The following COX7B2 variants were observed in gnomAD, a reference collection of about 807,000 sequenced individuals.
COX7B2 encodes the protein cytochrome c oxidase subunit 7B2, also known as cytochrome c oxidase subunit 7B2, mitochondrial.
For missense variants in COX7B2, 109 were observed against 95.9 expected (o/e 1.14, Z -0.57); for synonymous variants, 37 against 32.1 (o/e 1.15, Z -0.51).
intron 2 of COX7B2, among the ~76,000 whole-genome samples, chr4:46,787,127 C>T (rs1717791037): frequency 6.6e-6 from 1 of 152,134 alleles, no homozygotes; most frequent in African/African-American, 2.4e-5. Context: ...TTTGGAATAG[C>T]GGTTTAAAGC....
chr4:46,787,256 C>T (rs542312164), intron 2 of COX7B2, among the ~76,000 whole-genome samples: 58 of 152,040 alleles, frequency 3.8e-4, no homozygotes, highest in Admixed American at 1.1e-3. Flanking sequence ...GAGACCAGCC[C>T]GACCAATATG....
intron 1 of COX7B2, among the ~76,000 whole-genome samples, chr4:46,893,034 G>A (rs1383038299): frequency 1.3e-5 from 2 of 152,166 alleles, no homozygotes; most frequent in Non-Finnish European, 2.9e-5. Flanking sequence ...GACCTCCCCA[G>A]CCATAAGGAA....
At chr4:46,814,889 A>G (rs947675575) in intron 2 of COX7B2, among the ~76,000 whole-genome samples, 4 of 152,192 alleles carry the variant, frequency 2.6e-5, no homozygotes, top group African/African-American at 9.6e-5. Context: ...GTGGTTTAAG[A>G]AAATGTCACT....
Position 46,832,651 on chromosome 4 carries a change from G to A in COX7B2, c.-50+12309C>T, listed in dbSNP as rs190049748. 1.8e-3 allele frequency among the ~76,000 whole-genome samples: 268 copies of A among 152,170 alleles called. 3 individuals carry two copies. Among genetic ancestry groups the A allele is most frequent in the Admixed American group, 1.1e-3 (17 of 15,266 alleles). ...TGGTATCTAGAGGGAGGTGATTGGC[G>A]CATGGAGGCAGATTCCTAATAAACT... On this transcript the variant is annotated intron_variant, in intron 2 of 2. Transcript: ENST00000355591.
chr4:46,839,822 G>A (rs1184246880), intron 2 of COX7B2, among the ~76,000 whole-genome samples: 1 of 152,016 alleles, frequency 6.6e-6, no homozygotes, highest in Non-Finnish European at 1.5e-5. Flanking sequence ...TTATATCTTA[G>A]TGTCTAAGGT....
At chr4:46,881,373 C>CA (rs1195987841) in intron 1 of COX7B2, among the ~76,000 whole-genome samples, 3 of 152,168 alleles carry the variant, frequency 2.0e-5, no homozygotes, top group Non-Finnish European at 4.4e-5. Context: ...AGGTGATACA[C>CA]AAATGGTTAC....
intron 2 of COX7B2, among the ~76,000 whole-genome samples, chr4:46,788,481 A>C (rs1717868378): frequency 6.6e-6 from 1 of 152,216 alleles, no homozygotes; most frequent in South Asian, 2.1e-4. Context: ...ATTTCAAGTA[A>C]AATGGCTGTT....
At chr4:46,806,244 A>G (rs536156410) in intron 2 of COX7B2, among the ~76,000 whole-genome samples, 4 of 151,970 alleles carry the variant, frequency 2.6e-5, no homozygotes, top group Non-Finnish European at 5.9e-5. Flanking sequence ...TCTTATTTTA[A>G]TATTTCATAT....
intron 2 of COX7B2, among the ~76,000 whole-genome samples, chr4:46,749,588 T>C (rs985278773): frequency 6.6e-5 from 10 of 152,210 alleles, no homozygotes; most frequent in African/African-American, 2.4e-4. Context: ...GTGTAAGGAT[T>C]GTTAGTTTGC....
intron 1 of COX7B2, among the ~76,000 whole-genome samples, chr4:46,854,109 CTTAA>C (rs1370718269): frequency 1.3e-5 from 2 of 152,038 alleles, no homozygotes; most frequent in Non-Finnish European, 2.9e-5. Context: ...TCCAGTGCCT[CTTAA>C]TTAGTCACTT....
intron 1 of COX7B2, among the ~76,000 whole-genome samples, chr4:46,894,488 C>T (rs960261460): frequency 6.8e-4 from 104 of 152,234 alleles, no homozygotes; most frequent in African/African-American, 1.9e-3. Context: ...CAAAAATCAA[C>T]TCAAGATGAA....
rs1310832901 is a variant in COX7B2, at chr4:46,787,453, A to AAAAAT, written c.-49-52213_-49-52212insATTTT. 1.1e-3 allele frequency among the ~76,000 whole-genome samples: 166 copies of AAAAAT among 151,982 alleles called. 1 individual carries two copies. The highest frequency in any genetic ancestry group is 3.8e-3 in the African/African-American group (156 of 41,428). On this transcript the variant is annotated intron_variant, in intron 2 of 2. Coordinates refer to ENST00000355591, the MANE Select transcript of COX7B2 (RefSeq NM_130902.3). ...CAAGAGTGAGACTCTGTCTCAAATA[A>AAAAAT]AAAAAAATAAAAAAAAAAGATACAT...
chr4:46,792,353 G>A (rs1023391645), intron 2 of COX7B2, among the ~76,000 whole-genome samples: 13 of 152,270 alleles, frequency 8.5e-5, no homozygotes, highest in African/African-American at 3.1e-4. Flanking sequence ...TTGTTTATGA[G>A]GGCATTTCTG....
chr4:46,748,340 T>A (rs1252273655), intron 2 of COX7B2, among the ~76,000 whole-genome samples: 1 of 152,198 alleles, frequency 6.6e-6, no homozygotes, highest in Non-Finnish European at 1.5e-5. Flanking sequence ...ACATAAAACA[T>A]TATTTTATTT....
At chr4:46,752,491 T>C (rs1258479022) in intron 2 of COX7B2, among the ~76,000 whole-genome samples, 1 of 152,066 alleles carries the variant, frequency 6.6e-6, no homozygotes, top group African/African-American at 2.4e-5. Context: ...ATCCCTGTCT[T>C]GTGCCAATTT....
rs140988182 is a variant in COX7B2, at chr4:46,898,073, G to C, written c.-105+11087C>G. Among the ~76,000 whole-genome samples the C allele has an allele frequency of 3.3e-5, 5 of 152,218 alleles. No individual in the cohort carries two copies. In the South Asian group the frequency reaches 6.2e-4, roughly 19 times the overall value. On this transcript the variant is annotated intron_variant, in intron 1 of 2. Coordinates refer to ENST00000355591, the MANE Select transcript of COX7B2 (RefSeq NM_130902.3). Reference sequence around the variant, plus strand: ...CATGACTGCTGTCACCTTTAGGTTGGAGAAGTCTGAACCTGTATCTCCTCC... The same window carrying C: ...CATGACTGCTGTCACCTTTAGGTTGCAGAAGTCTGAACCTGTATCTCCTCC...
At chr4:46,787,361 C>T (rs932037200) in intron 2 of COX7B2, among the ~76,000 whole-genome samples, 2 of 151,968 alleles carry the variant, frequency 1.3e-5, no homozygotes, top group African/African-American at 4.8e-5. Flanking sequence ...GCAGGAGAAA[C>T]GCTTGAACCC....
At chr4:46,783,066 T>C (rs562496455) in intron 2 of COX7B2, among the ~76,000 whole-genome samples, 1 of 152,320 alleles carries the variant, frequency 6.6e-6, no homozygotes, top group African/African-American at 2.4e-5. Context: ...TAACCACATA[T>C]TCTAAATGAA....
intron 2 of COX7B2, among the ~76,000 whole-genome samples, chr4:46,794,208 C>T (rs1298641635): frequency 6.6e-6 from 1 of 152,182 alleles, no homozygotes; most frequent in African/African-American, 2.4e-5. Flanking sequence ...GATGCTAAAG[C>T]TGTGGCTGTG....
Sources: allele counts gnomAD v4.1 joint callset (sites outside exome capture counted in the v4.1 genomes callset), GRCh38; gene constraint gnomAD v4.1.1; transcripts MANE v1.5; gene names NCBI Gene and HGNC (gene_info 2026-07-23, HGNC 2026-07-21).